The following NARS2 variants were observed in gnomAD, a reference collection of about 807,000 sequenced individuals.
The protein encoded by NARS2 is asparaginyl-tRNA synthetase 2, mitochondrial, also known as asparaginyl-tRNA synthetase.
A neutral mutation model predicts 62.9 loss-of-function variants in NARS2; 60 were observed. The ratio of observed to expected loss-of-function variants is 0.95; its 90% CI spans 0.77 to 1.18. The LOEUF (loss-of-function observed/expected upper bound fraction) is 1.18. NARS2 is among the 50% of genes most tolerant of loss of function. NARS2 has a pLI of 0.00. For missense variants in NARS2, 619 were observed against 576.4 expected (o/e 1.07, Z -0.76); for synonymous variants, 196 against 200.0 (o/e 0.98, Z 0.17).
intron 5 of NARS2, among the ~76,000 whole-genome samples, chr11:78,547,102 G>A (rs1365595617): frequency 2.0e-5 from 3 of 151,774 alleles, no homozygotes; most frequent in African/African-American, 4.8e-5. Flanking sequence ...AGGCCATGGG[G>A]GGAGGACTGC....
intron 2 of NARS2, among the ~76,000 whole-genome samples, 153 bp from the exon 3 acceptor site, chr11:78,568,905 G>A (rs1590877302): frequency 2.6e-5 from 4 of 152,056 alleles, no homozygotes; most frequent in South Asian, 2.1e-4. Context: ...ATAATCTGTC[G>A]TATAAATAGA....
intron 5 of NARS2, among the ~76,000 whole-genome samples, chr11:78,538,995 A>C (rs12794334): frequency 9.5e-5 from 1 of 10,480 alleles, no homozygotes; most frequent in Non-Finnish European, 3.4e-4. Context: ...AATCCGTCTC[A>C]AAAAAAAAAA....
chr11:78,507,103 A>C (rs897710950), intron 6 of NARS2, among the ~76,000 whole-genome samples: 1 of 151,978 alleles, frequency 6.6e-6, no homozygotes, highest in Non-Finnish European at 1.5e-5. Flanking sequence ...TGTGGTTTCT[A>C]ATCACAGAGA....
At chr11:78,558,620 T>G (rs949662522) in intron 5 of NARS2, 2 of 152,182 alleles carry the variant, frequency 1.3e-5, no homozygotes, top group African/African-American at 4.8e-5. Flanking sequence ...GCTATCAAAC[T>G]GGTAAATGCA....
intron 12 of NARS2, among the ~76,000 whole-genome samples, chr11:78,441,766 G>A (rs1323724897): frequency 6.6e-6 from 1 of 151,692 alleles, no homozygotes; most frequent in Non-Finnish European, 1.5e-5. Context: ...TTGTTGGGAG[G>A]CACACACAGA....
chr11:78,530,419 G>A (rs1266125333), intron 5 of NARS2, among the ~76,000 whole-genome samples: 1 of 151,902 alleles, frequency 6.6e-6, no homozygotes, highest in African/African-American at 2.4e-5. Context: ...CACTTCAGAT[G>A]GTTTCTCTCA....
chr11:78,484,509 C>A (rs1316687115), intron 7 of NARS2, among the ~76,000 whole-genome samples: 1 of 152,100 alleles, frequency 6.6e-6, no homozygotes, highest in African/African-American at 2.4e-5. Flanking sequence ...GGGCTAGTAT[C>A]CAGAATCTAC....
chr11:78,554,710 T>C (rs1341596110), intron 5 of NARS2, among the ~76,000 whole-genome samples: 5 of 152,220 alleles, frequency 3.3e-5, no homozygotes, highest in Non-Finnish European at 7.3e-5. Context: ...AATCATGTTG[T>C]CTGCAAACAG....
intron 6 of NARS2, among the ~76,000 whole-genome samples, chr11:78,522,102 G>A (rs1333701098): frequency 6.6e-6 from 1 of 150,628 alleles, no homozygotes; most frequent in East Asian, 1.9e-4. Flanking sequence ...ACTGGTATGT[G>A]CCACTACATC....
At chr11:78,531,560 T>C (rs1021059761) in intron 5 of NARS2, among the ~76,000 whole-genome samples, 3 of 152,066 alleles carry the variant, frequency 2.0e-5, no homozygotes, top group Admixed American at 2.0e-4. Context: ...TGCACACAAC[T>C]GTTCAAAATA....
At position 78,447,915 on chromosome 11, in the gene NARS2, CAG is replaced by C. The variant is rs949663230; in HGVS notation, c.1165-4159_1165-4158del. ...TTCAGATGGACAGAGGAATGGGAGA[CAG>C]GGGAATGAGTTATTAATCAAAAGGT... On this transcript the variant is annotated intron_variant, in intron 11 of 13. Coordinates refer to ENST00000281038, the MANE Select transcript of NARS2 (RefSeq NM_024678.6). Among the ~76,000 whole-genome samples, 15 of 152,050 alleles carry C rather than the reference CAG, an allele frequency of 9.9e-5. 1 individual carries two copies. Among genetic ancestry groups the C allele is most frequent in the African/African-American group, 3.1e-4 (13 of 41,380 alleles).
chr11:78,498,600 T>C (rs1343845701), intron 6 of NARS2, among the ~76,000 whole-genome samples: 2 of 151,902 alleles, frequency 1.3e-5, no homozygotes, highest in African/African-American at 4.8e-5. Flanking sequence ...ACTGAACTCA[T>C]GTCTCCCCCC....
chr11:78,447,924 G>C (rs1857820442), intron 11 of NARS2, among the ~76,000 whole-genome samples: 1 of 152,154 alleles, frequency 6.6e-6, no homozygotes, highest in African/African-American at 2.4e-5. Flanking sequence ...ACAGGGGAAT[G>C]AGTTATTAAT....
intron 12 of NARS2, among the ~76,000 whole-genome samples, 193 bp downstream of exon 12, chr11:78,443,468 G>A (rs1857643937): frequency 6.6e-6 from 1 of 152,108 alleles, no homozygotes; most frequent in South Asian, 2.1e-4. Flanking sequence ...GGTTTTTCAT[G>A]TAAGAGTTCC....
chr11:78,482,196 A>G (rs7925034), intron 7 of NARS2, among the ~76,000 whole-genome samples: 42,933 of 152,046 alleles, frequency 0.28, 7,004 homozygotes, highest in African/African-American at 0.42. Flanking sequence ...ACTACAACCT[A>G]TCTCTCTAAA....
intron 11 of NARS2, among the ~76,000 whole-genome samples, chr11:78,461,137 T>C (rs1428419224): frequency 2.6e-5 from 4 of 152,148 alleles, no homozygotes; most frequent in Admixed American, 6.5e-5. Flanking sequence ...TCCCTGAGGA[T>C]ACTGAGGGAC....
intron 5 of NARS2, among the ~76,000 whole-genome samples, chr11:78,552,024 G>A (rs1485654182): frequency 6.6e-6 from 1 of 152,016 alleles, no homozygotes; most frequent in East Asian, 1.9e-4. Context: ...TTTAGGTTTG[G>A]GGATACATGT....
intron 5 of NARS2, among the ~76,000 whole-genome samples, chr11:78,539,201 G>C (rs537037446): frequency 6.6e-6 from 1 of 151,750 alleles, no homozygotes; most frequent in East Asian, 2.0e-4. Flanking sequence ...ATAATAAAGG[G>C]ATAAGAGTAG....
chr11:78,473,858 A>G (rs140857652), intron 9 of NARS2, among the ~76,000 whole-genome samples: 54 of 152,296 alleles, frequency 3.5e-4, no homozygotes, highest in African/African-American at 1.2e-3. Context: ...ATATCTGTGC[A>G]TGCATTTCAG....
Sources: gnomAD v4.1 joint callset for allele counts (sites outside exome capture counted in the v4.1 genomes callset) on GRCh38, gnomAD v4.1.1 for gene constraint, MANE v1.5 for transcripts, NCBI Gene and HGNC (gene_info 2026-07-23, HGNC 2026-07-21) for gene names.